MTM1: variants seen among roughly 807,000 people sequenced by gnomAD.
MTM1 encodes the protein myotubularin.
MTM1 carries 9 observed loss-of-function variants against 52.1 expected under a neutral mutation model. That is an observed-to-expected ratio of 0.17 (90% CI 0.10 to 0.30). The LOEUF (loss-of-function observed/expected upper bound fraction) is 0.30. Among genes scored for constraint, MTM1 ranks in the 10% least tolerant of loss-of-function variants. MTM1 has a pLI of 1.00. For missense variants in MTM1, 277 were observed against 470.7 expected, an observed-to-expected ratio of 0.59 and a Z score of 3.81; for synonymous variants, 136 against 163.8, an observed-to-expected ratio of 0.83 and a Z score of 1.29.
intron 1 of MTM1, among the ~76,000 whole-genome samples, chrX:150,584,715 G>A (rs142686594): frequency 2.3e-3 from 254 of 111,057 alleles, no homozygotes; most frequent in African/African-American, 7.5e-3. Context: ...GCGGGAAACT[G>A]GTTCCAGGAC....
intron 1 of MTM1, among the ~76,000 whole-genome samples, chrX:150,585,665 G>A (rs913720515): frequency 2.7e-5 from 3 of 111,804 alleles, no homozygotes; most frequent in African/African-American, 9.8e-5. Context: ...ACGGGAACTT[G>A]ATCTTGTTCC....
intron 4 of MTM1, among the ~76,000 whole-genome samples, chrX:150,610,801 G>C (rs1205275991): frequency 4.5e-5 from 5 of 112,102 alleles, no homozygotes; most frequent in Non-Finnish European, 7.5e-5. Context: ...TCTGTACAGA[G>C]ACAAAGAGTA....
chrX:150,586,735 G>A (rs1020861145), intron 1 of MTM1, among the ~76,000 whole-genome samples: 8 of 109,950 alleles, frequency 7.3e-5, no homozygotes, highest in African/African-American at 2.7e-4. Flanking sequence ...CCAACGTGGC[G>A]AAATCCTGTC....
Position 150,608,437 on chromosome X carries a change from TCAAACTCCTTG to T in MTM1, c.232-6151_232-6141del, listed in dbSNP as rs1156411833. Among the ~76,000 whole-genome samples the T allele has an allele frequency of 1.1e-4, 12 of 111,951 alleles. No homozygotes were observed. The Admixed American group carries it at 1.1e-3, about 11-fold the overall frequency. ...TCTTGCTGTGTTGCCCAGGCTGGTC[TCAAACTCCTTG>T]GCTCAAGCGATCCGCCTGCCTCCGC... On this transcript the variant is annotated intron_variant, in intron 4 of 14. Transcript: ENST00000370396.
upstream of MTM1, among the ~76,000 whole-genome samples, chrX:150,564,572 G>A (rs1341143167): frequency 9.0e-6 from 1 of 110,591 alleles, no homozygotes; most frequent in Admixed American, 9.7e-5. Context: ...TAGTAGAGAC[G>A]GGGTTTCACC....
chrX:150,617,572 A>T (rs782632791), intron 5 of MTM1, among the ~76,000 whole-genome samples: 2 of 112,248 alleles, frequency 1.8e-5, no homozygotes, highest in Non-Finnish European at 3.8e-5. Context: ...TGTCATCTGT[A>T]TACAGAGTGC....
At chrX:150,608,826 G>T (rs868909621) in intron 4 of MTM1, among the ~76,000 whole-genome samples, 90 of 99,189 alleles carry the variant, frequency 9.1e-4, no homozygotes, top group African/African-American at 2.4e-3. Flanking sequence ...TGATGATGAT[G>T]ATGATTATTA....
intron 1 of MTM1, among the ~76,000 whole-genome samples, chrX:150,574,008 C>T (rs1515963): frequency 0.037 from 4,139 of 111,318 alleles, 85 homozygotes; most frequent in African/African-American, 0.077. Flanking sequence ...AGCCAGTATT[C>T]CATTTTGAGT....
intron 6 of MTM1, among the ~76,000 whole-genome samples, chrX:150,637,024 C>T (rs16996690): frequency 0.16 from 18,075 of 111,349 alleles, 1,373 homozygotes; most frequent in African/African-American, 0.3. Context: ...CTCAGTGCAT[C>T]GCTTAGCTAG....
chrX:150,619,054 G>A lies in MTM1; in HGVS notation c.359G>A (p.Arg120Lys). Residue 120 changes from arginine to lysine, a missense_variant, in exon 6 of 15, where the codon AGG becomes AAG. By Grantham distance (26) the Arg-to-Lys change is conservative. Around this residue, in one of 4 missense-constraint regions of MTM1, gnomAD observed 164 missense variants for 283.3 expected, o/e 0.58. Coordinates refer to ENST00000370396, the MANE Select transcript of MTM1 (RefSeq NM_000252.3). ...DITCKDMRNL[R>K]FALKQEGHSR... is the part of the protein sequence containing the mutation. ...TGCCCCCAGGACATGAGAAACCTGAGGTTCGCTTTGAAACAGGAAGGCCAC... is the reference window on the plus strand; with the variant it reads ...TGCCCCCAGGACATGAGAAACCTGAAGTTCGCTTTGAAACAGGAAGGCCAC... 1 of 1,207,979 alleles carries A rather than the reference G, an allele frequency of 8.3e-7. No homozygotes were observed.
intron 10 of MTM1, among the ~76,000 whole-genome samples, chrX:150,651,628 C>T (rs1401149524): frequency 9.0e-6 from 1 of 111,089 alleles, no homozygotes; most frequent in African/African-American, 3.3e-5. Flanking sequence ...GGCCGTCCAC[C>T]TGGTGGTGTC....
At chrX:150,652,153 T>A (rs1557414230) in intron 10 of MTM1, among the ~76,000 whole-genome samples, 1 of 110,931 alleles carries the variant, frequency 9.0e-6, no homozygotes, top group Non-Finnish European at 1.9e-5. Flanking sequence ...AAGATTTACT[T>A]CAGGAATTTT....
intron 4 of MTM1, among the ~76,000 whole-genome samples, chrX:150,612,521 C>T (rs1384805264): frequency 9.3e-6 from 1 of 107,413 alleles, no homozygotes; most frequent in Non-Finnish European, 1.9e-5. Context: ...GTGAGACCCC[C>T]CCACCATCTC....
intron 4 of MTM1, among the ~76,000 whole-genome samples, chrX:150,604,040 A>G (rs782629804): frequency 1.8e-5 from 2 of 111,841 alleles, no homozygotes; most frequent in East Asian, 5.7e-4. Context: ...TCAGTAAGAT[A>G]AAGAATGAAA....
intron 8 of MTM1, among the ~76,000 whole-genome samples, chrX:150,643,003 T>C (rs1443312741): frequency 8.9e-6 from 1 of 111,831 alleles, no homozygotes; most frequent in Non-Finnish European, 1.9e-5. Flanking sequence ...AAATGGCTTT[T>C]ATAGGGAAGA....
At chrX:150,626,199 G>T (rs1214158018) in intron 6 of MTM1, among the ~76,000 whole-genome samples, 11 of 112,527 alleles carry the variant, frequency 9.8e-5, no homozygotes, top group African/African-American at 3.6e-4. Context: ...CTTGTAAAAA[G>T]ATTTTCATAA....
chrX:150,666,139 T>C (rs1281843241), intron 14 of MTM1, among the ~76,000 whole-genome samples: 1 of 112,522 alleles, frequency 8.9e-6, no homozygotes, highest in Non-Finnish European at 1.9e-5. Context: ...TATCTTCTTT[T>C]CCATGCCAAG....
At chrX:150,669,654 G>A (rs373743042) in intron 14 of MTM1, among the ~76,000 whole-genome samples, 6 of 111,980 alleles carry the variant, frequency 5.4e-5, no homozygotes, top group South Asian at 3.7e-4. Flanking sequence ...TTTGTTGGCC[G>A]CATTGTGTGT....
chrX:150,605,770 G>A (rs781846119), intron 4 of MTM1, among the ~76,000 whole-genome samples: 4 of 111,704 alleles, frequency 3.6e-5, no homozygotes, highest in Non-Finnish European at 7.5e-5. Context: ...TGGGTGCTGG[G>A]TGTTGTGCCA....
Sources: gnomAD v4.1 joint callset for allele counts (sites outside exome capture counted in the v4.1 genomes callset) on GRCh38, gnomAD v4.1.1 for gene constraint, gnomAD v4.1.1 regional missense constraint, MANE v1.5 for transcripts, NCBI Gene and HGNC (gene_info 2026-07-23, HGNC 2026-07-21) for gene names.